The following ANK3 variants were observed in gnomAD, a reference collection of about 807,000 sequenced individuals.
The protein encoded by ANK3 is ankyrin-3.
ANK3 carries 57 observed loss-of-function variants against 370.9 expected under a neutral mutation model. The observed-to-expected ratio is 0.15, with a 90% CI of 0.12 to 0.19. The LOEUF is 0.19. ANK3 is among the 10% of genes least tolerant of loss of function. ANK3 has a pLI of 1.00. For synonymous variants in ANK3, 1,929 were observed against 1,946.3 expected, an observed-to-expected ratio of 0.99 and a Z score of 0.23; for missense variants, 4,439 against 5,302.1, an observed-to-expected ratio of 0.84 and a Z score of 5.06.
Position 60,070,870 on chromosome 10 carries a change from C to T in ANK3, c.10011G>A (p.Lys3337=). 6.2e-7 allele frequency: 1 copy of T among 1,614,046 alleles called. No homozygotes were observed. The highest frequency in any genetic ancestry group is 1.3e-5 in the African/African-American group (1 of 74,986). The change falls in exon 37 of 44, where the codon AAG becomes AAA. Residue 3337 remains lysine, a synonymous_variant. Coordinates refer to ENST00000280772, the MANE Select transcript of ANK3 (RefSeq NM_020987.5). The surrounding 1 kb of genome is among the most constrained non-coding windows in gnomAD (Gnocchi z 5.7). The part of the protein sequence containing the change: ...VPVKKYTFKL[K]EVDDEQKEKP... ...TTTCTTTTTGTTCATCGTCCACTTC[C>T]TTTAATTTGAAGGTATATTTTTTAA... is the stretch of plus-strand genomic sequence containing the variant.
Position 60,171,384 on chromosome 10 carries a change from C to A in ANK3, c.2478+924G>T, listed in dbSNP as rs372485275. 9.8e-5 allele frequency among the ~76,000 whole-genome samples: 15 copies of A among 152,306 alleles called. No individual in the cohort carries two copies. In the East Asian group the frequency reaches 1.3e-3, roughly 14 times the overall value. On this transcript the variant is annotated intron_variant, in intron 21 of 43. Transcript: ENST00000280772. ...CTCAAACTGCAGGTAGTTACAGAGACCTTCAACCCATGTTTTTCACAAAAA... is the reference window on the plus strand; with the variant it reads ...CTCAAACTGCAGGTAGTTACAGAGAACTTCAACCCATGTTTTTCACAAAAA...
chr10:60,492,737 G>GA (rs773889317), intron 2 of ANK3, among the ~76,000 whole-genome samples: 4,907 of 112,162 alleles, frequency 0.044, 302 homozygotes, highest in African/African-American at 0.12. Flanking sequence ...AAGAAAGAAA[G>GA]AAAAAAAAAA....
At chr10:60,180,721 G>A (rs1228375021) in intron 18 of ANK3, among the ~76,000 whole-genome samples, 1 of 151,452 alleles carries the variant, frequency 6.6e-6, no homozygotes, top group Non-Finnish European at 1.5e-5. Flanking sequence ...TGTGATTAAT[G>A]TGAAGCTATA....
chr10:60,056,271 C>G (rs2079146263), intron 41 of ANK3, among the ~76,000 whole-genome samples: 1 of 151,888 alleles, frequency 6.6e-6, no homozygotes, highest in African/African-American at 2.4e-5. Context: ...GAGTTCGAGA[C>G]CAGCCTGGCC....
At chr10:60,388,527 T>C (rs1161110084) in intron 1 of ANK3, among the ~76,000 whole-genome samples, 1 of 152,186 alleles carries the variant, frequency 6.6e-6, no homozygotes, top group Non-Finnish European at 1.5e-5. Flanking sequence ...TTTAGTCAAT[T>C]TTTATTAATT....
chr10:60,509,623 A>G (rs560162094), intron 2 of ANK3, among the ~76,000 whole-genome samples: 1 of 152,296 alleles, frequency 6.6e-6, no homozygotes, highest in East Asian at 1.9e-4. Context: ...GAAAGACTTG[A>G]GGAAGAGTCT....
chr10:60,520,645 G>C (rs995544032), intron 2 of ANK3, among the ~76,000 whole-genome samples: 3 of 151,946 alleles, frequency 2.0e-5, no homozygotes, highest in African/African-American at 7.3e-5. Context: ...TGACCATCTA[G>C]GTCATAAACT....
chr10:60,414,237 A>G (rs567832573), intron 2 of ANK3, among the ~76,000 whole-genome samples: 1 of 152,192 alleles, frequency 6.6e-6, no homozygotes, highest in African/African-American at 2.4e-5. Context: ...TCTGTTCTGT[A>G]GAATAGATTC....
intron 2 of ANK3, among the ~76,000 whole-genome samples, chr10:60,425,358 A>T (rs1052771983): frequency 2.6e-5 from 4 of 152,112 alleles, no homozygotes; most frequent in Admixed American, 1.3e-4. Context: ...CATTGACAAA[A>T]CTATAAAATA....
chr10:60,417,675 G>A (rs929769846), intron 2 of ANK3, among the ~76,000 whole-genome samples: 1 of 152,138 alleles, frequency 6.6e-6, no homozygotes, highest in African/African-American at 2.4e-5. Context: ...AAGCTAGCTG[G>A]TACTACTGGA....
chr10:60,508,651 A>C (rs1002207504), intron 2 of ANK3: 2 of 152,572 alleles, frequency 1.3e-5, no homozygotes, highest in Non-Finnish European at 2.9e-5. Context: ...CAGAGGTTTA[A>C]ATCTCTCTAA....
chr10:60,225,096 A>G (rs2097118911), intron 8 of ANK3, among the ~76,000 whole-genome samples: 1 of 151,848 alleles, frequency 6.6e-6, no homozygotes, highest in South Asian at 2.1e-4. Flanking sequence ...CATTTTTTGT[A>G]GAGATGGGGT....
Position 60,073,594 on chromosome 10 carries a change from G to T in ANK3, c.7287C>A (p.Leu2429=). ...EEDSRPSSAQ[L]ISDDSYKTLK... The stretch of plus-strand genomic sequence containing the variant: ...ATGTTTTATAAGAGTCATCAGATAT[G>T]AGTTGAGCAGAACTAGGGCGGCTAT... Residue 2429 remains leucine (L), a synonymous_variant, in exon 37 of 44, where the codon CTC becomes CTA. Transcript: ENST00000280772. 6.2e-7 allele frequency: 1 copy of T among 1,614,026 alleles called. No homozygotes were observed. The highest frequency in any genetic ancestry group is 8.5e-7 in the Non-Finnish European group (1 of 1,180,004).
At chr10:60,169,340 C>T (rs1436515571) in intron 21 of ANK3, among the ~76,000 whole-genome samples, 1 of 141,712 alleles carries the variant, frequency 7.1e-6, no homozygotes, top group African/African-American at 2.6e-5. Context: ...TCAGATATGT[C>T]CATCAACTGG....
At chr10:60,053,780 T>C in intron 42 of ANK3, 1 of 1,283,134 alleles carries the variant, frequency 7.8e-7, no homozygotes, top group Non-Finnish European at 1.0e-6. Flanking sequence ...ATACATCAGA[T>C]GACCTAGTTG....
At chr10:60,408,798 A>G (rs1447874560) in intron 2 of ANK3, among the ~76,000 whole-genome samples, 1 of 152,096 alleles carries the variant, frequency 6.6e-6, no homozygotes, top group East Asian at 1.9e-4. Flanking sequence ...TTCCTCTTAC[A>G]GTTGGGTTTT....
At chr10:60,492,158 C>T (rs1213844807) in intron 2 of ANK3, among the ~76,000 whole-genome samples, 4 of 152,174 alleles carry the variant, frequency 2.6e-5, no homozygotes, top group African/African-American at 9.7e-5. Flanking sequence ...GTGCAGTAGG[C>T]TATACCATCT....
intron 7 of ANK3, among the ~76,000 whole-genome samples, chr10:60,240,788 C>T (rs1234279102): frequency 1.3e-5 from 2 of 152,174 alleles, no homozygotes; most frequent in African/African-American, 4.8e-5. Context: ...GACGAGGTTT[C>T]ATCACGTTGG....
chr10:60,166,677 TA>T, intron 22 of ANK3, 24 bp from the exon 23 acceptor site: 1 of 1,611,314 alleles, frequency 6.2e-7, no homozygotes, highest in South Asian at 1.1e-5. Flanking sequence ...GTGAACAATA[TA>T]AGTGGATGAA....
Sources: gnomAD v4.1 joint callset for allele counts (sites outside exome capture counted in the v4.1 genomes callset) on GRCh38, gnomAD v4.1.1 for gene constraint, Gnocchi (gnomAD v3.1) non-coding constraint, MANE v1.5 for transcripts, NCBI Gene and HGNC (gene_info 2026-07-23, HGNC 2026-07-21) for gene names.